KLHL1: variants seen among roughly 807,000 people sequenced by gnomAD.
KLHL1 encodes kelch like family member 1.
Under a neutral mutation model 77.7 loss-of-function variants are expected in KLHL1, and 47 were observed. The observed-to-expected ratio is 0.60, with a 90% CI of 0.48 to 0.77. KLHL1 has a LOEUF of 0.77. Among genes scored for constraint, KLHL1 ranks in the 30% least tolerant of loss-of-function variants. The probability of loss-of-function intolerance (pLI) is 0.00; values close to 1 mark genes in which losing one functional copy is unlikely to be tolerated. For synonymous variants in KLHL1, 360 were observed against 325.2 expected, an observed-to-expected ratio of 1.11 and a Z score of -1.15; for missense variants, 925 against 910.8, an observed-to-expected ratio of 1.02 and a Z score of -0.20.
intron 5 of KLHL1, among the ~76,000 whole-genome samples, chr13:69,841,558 T>C (rs1206625910): frequency 2.0e-5 from 3 of 151,572 alleles, no homozygotes; most frequent in Admixed American, 1.3e-4. Context: ...AAATTGAAGA[T>C]AACACAAACA....
At chr13:69,821,188 G>T (rs2138078056) in intron 6 of KLHL1, among the ~76,000 whole-genome samples, 1 of 152,224 alleles carries the variant, frequency 6.6e-6, no homozygotes, top group South Asian at 2.1e-4. Context: ...TGGTAGGCTA[G>T]ATATGGTCAT....
chr13:69,915,825 A>C (rs1253608599), intron 4 of KLHL1, among the ~76,000 whole-genome samples: 3 of 151,990 alleles, frequency 2.0e-5, no homozygotes, highest in Non-Finnish European at 4.4e-5. Context: ...AATGGGAGAA[A>C]ATTTTTGTAA....
chr13:70,066,519 G>A (rs578106715), intron 1 of KLHL1, among the ~76,000 whole-genome samples: 5 of 152,158 alleles, frequency 3.3e-5, no homozygotes, highest in African/African-American at 9.7e-5. Flanking sequence ...CCTCTTCAGT[G>A]CTACATTAAA....
chr13:69,755,707 A>G (rs1172566010), intron 7 of KLHL1, among the ~76,000 whole-genome samples: 1 of 149,168 alleles, frequency 6.7e-6, no homozygotes, highest in African/African-American at 2.5e-5. Flanking sequence ...TTAAAAAGTC[A>G]TTCAACAAGA....
intron 6 of KLHL1, among the ~76,000 whole-genome samples, chr13:69,822,213 A>AG (rs1317603647): frequency 0.011 from 1,741 of 151,530 alleles, 44 homozygotes; most frequent in African/African-American, 0.04. Context: ...AAAAAAAAAA[A>AG]AGAGAACAGT....
intron 1 of KLHL1, among the ~76,000 whole-genome samples, chr13:70,063,408 T>C (rs1043667065): frequency 2.0e-5 from 3 of 152,112 alleles, no homozygotes; most frequent in Non-Finnish European, 2.9e-5. Context: ...TTAGTAAAAC[T>C]TCATTGGCAC....
intron 2 of KLHL1, among the ~76,000 whole-genome samples, chr13:69,964,518 C>A (rs2137275103): frequency 6.6e-6 from 1 of 152,166 alleles, no homozygotes; most frequent in East Asian, 1.9e-4. Context: ...TGGAGCAGTG[C>A]ATGGATCCTT....
chr13:69,924,458 T>G (rs1260942639), intron 4 of KLHL1, among the ~76,000 whole-genome samples: 1 of 152,088 alleles, frequency 6.6e-6, no homozygotes, highest in Non-Finnish European at 1.5e-5. Flanking sequence ...AGCTACTCAC[T>G]CCAGGGTCTC....
chr13:69,854,376 T>C (rs1304880775), intron 5 of KLHL1, among the ~76,000 whole-genome samples: 3 of 151,884 alleles, frequency 2.0e-5, no homozygotes, highest in Non-Finnish European at 2.9e-5. Flanking sequence ...CAGGCTGTTT[T>C]TAACATCCAG....
chr13:69,786,968 A>G (rs567433019), intron 7 of KLHL1, among the ~76,000 whole-genome samples: 4 of 152,218 alleles, frequency 2.6e-5, no homozygotes, highest in Non-Finnish European at 5.9e-5. Flanking sequence ...GGACCTCTTC[A>G]AGGAGAATTA....
At chr13:69,974,987 T>TC (rs1884501036) in intron 2 of KLHL1, among the ~76,000 whole-genome samples, 1 of 152,050 alleles carries the variant, frequency 6.6e-6, no homozygotes, top group Non-Finnish European at 1.5e-5. Flanking sequence ...CTTCCCCATG[T>TC]ATTCCAAGAC....
chr13:69,781,500 T>G (rs77756912), intron 7 of KLHL1, among the ~76,000 whole-genome samples: 12,692 of 152,110 alleles, frequency 0.083, 583 homozygotes, highest in Non-Finnish European at 0.1. Context: ...CACCTAGGAT[T>G]GATACTCAAA....
At chr13:69,852,395 C>T (rs544552216) in intron 5 of KLHL1, among the ~76,000 whole-genome samples, 5 of 151,892 alleles carry the variant, frequency 3.3e-5, no homozygotes, top group African/African-American at 1.2e-4. Context: ...ATCTTCAGGA[C>T]AGCAATTGAA....
chr13:69,949,609 G>A (rs541215412), intron 3 of KLHL1, among the ~76,000 whole-genome samples: 167 of 151,768 alleles, frequency 1.1e-3, no homozygotes, highest in African/African-American at 3.9e-3. Flanking sequence ...CTACACTTAC[G>A]GAGGGGGGAG....
chr13:69,818,650 T>C (rs1878220552), intron 6 of KLHL1, among the ~76,000 whole-genome samples: 1 of 152,194 alleles, frequency 6.6e-6, no homozygotes, highest in Non-Finnish European at 1.5e-5. Flanking sequence ...TAAGTGGTTA[T>C]TTCAGAAGAA....
intron 1 of KLHL1, among the ~76,000 whole-genome samples, chr13:70,032,136 A>G (rs1016368950): frequency 6.6e-6 from 1 of 152,232 alleles, no homozygotes; most frequent in African/African-American, 2.4e-5. Context: ...ATTTAAAAGT[A>G]TATCATCTGT....
At chr13:69,702,608 T>C (rs1377245843) in intron 10 of KLHL1, among the ~76,000 whole-genome samples, 3 of 151,698 alleles carry the variant, frequency 2.0e-5, no homozygotes, top group Admixed American at 6.6e-5. Context: ...ATCTTATTGA[T>C]TGAAAAAGGA....
chr13:69,713,216 C>T (rs990695590), intron 9 of KLHL1, among the ~76,000 whole-genome samples: 4 of 152,008 alleles, frequency 2.6e-5, no homozygotes, highest in African/African-American at 7.2e-5. Flanking sequence ...TGAAATTATT[C>T]GATATTTATC....
chr13:69,714,421 A>G (rs1876019488), intron 9 of KLHL1, among the ~76,000 whole-genome samples: 1 of 152,122 alleles, frequency 6.6e-6, no homozygotes, highest in African/African-American at 2.4e-5. Flanking sequence ...CATGGATTAT[A>G]CCCAGGAAAT....
Sources: allele counts gnomAD v4.1 joint callset (sites outside exome capture counted in the v4.1 genomes callset), GRCh38; gene constraint gnomAD v4.1.1; transcripts MANE v1.5; gene names NCBI Gene and HGNC (gene_info 2026-07-23, HGNC 2026-07-21).